FREM2: variants seen among roughly 807,000 people sequenced by gnomAD.
The protein encoded by FREM2 is FRAS1-related extracellular matrix protein 2.
A neutral mutation model predicts 219.9 loss-of-function variants in FREM2; 119 were observed. The observed-to-expected ratio is 0.54, with a 90% CI of 0.47 to 0.63. The LOEUF (loss-of-function observed/expected upper bound fraction) is 0.63, where lower values mean the gene tolerates loss of function less well. Among genes scored for constraint, FREM2 ranks in the 30% least tolerant of loss-of-function variants. FREM2 has a pLI of 0.00. For missense variants in FREM2, 4,030 were observed against 3,993.6 expected, an observed-to-expected ratio of 1.01 and a Z score of -0.25; for synonymous variants, 1,562 against 1,522.8, an observed-to-expected ratio of 1.03 and a Z score of -0.60.
intron 2 of FREM2, among the ~76,000 whole-genome samples, chr13:38,701,314 G>A (rs2496430): frequency 0.23 from 34,967 of 151,896 alleles, 4,409 homozygotes; most frequent in East Asian, 0.41. Flanking sequence ...CGCTGTCTGC[G>A]GCTTCATCTA....
Position 38,876,128 on chromosome 13 carries a change from G to A in FREM2, c.8388G>A (p.Trp2796Ter). Reference sequence around the variant, plus strand: ...CCTATAACCAGCCAGTACAGCAGTGGAGCTTTGTCTCTGACTTTGCCGTAA... The same window carrying A: ...CCTATAACCAGCCAGTACAGCAGTGAAGCTTTGTCTCTGACTTTGCCGTAA... ...EPTYNQPVQQWSFVSDFAVRD... is the reference protein window; with the variant it reads ...EPTYNQPVQQ The change falls in exon 19 of 24, where the codon TGG (tryptophan) becomes TGA (stop). Residue 2796 changes from tryptophan to a stop codon, truncating the protein, a stop_gained. Transcript: ENST00000280481. LOFTEE classifies it high-confidence loss of function. The A allele has an allele frequency of 6.2e-7, 1 of 1,614,076 alleles. No homozygotes were observed.
At chr13:38,698,035 T>C (rs1870189064) in intron 2 of FREM2, among the ~76,000 whole-genome samples, 1 of 152,228 alleles carries the variant, frequency 6.6e-6, no homozygotes, top group South Asian at 2.1e-4. Flanking sequence ...GAGAGAGATC[T>C]GTATAAATAG....
chr13:38,722,661 C>T (rs894509714), intron 2 of FREM2, among the ~76,000 whole-genome samples: 2 of 151,278 alleles, frequency 1.3e-5, no homozygotes, highest in Non-Finnish European at 2.9e-5. Context: ...ATGCTATTTA[C>T]GTTGGAGGCA....
intron 4 of FREM2, among the ~76,000 whole-genome samples, chr13:38,772,616 A>T (rs1056246058): frequency 4.1e-4 from 63 of 152,214 alleles, no homozygotes; most frequent in African/African-American, 1.5e-3. Context: ...TGTTTACAGG[A>T]GGCTTTCAAT....
At chr13:38,774,342 A>T (rs1419421844) in intron 4 of FREM2, among the ~76,000 whole-genome samples, 1 of 152,132 alleles carries the variant, frequency 6.6e-6, no homozygotes, top group East Asian at 1.9e-4. Flanking sequence ...TTAAACATCT[A>T]CTCTATGCCA....
chr13:38,857,189 A>T (rs1438427747), intron 12 of FREM2, among the ~76,000 whole-genome samples: 1 of 152,176 alleles, frequency 6.6e-6, no homozygotes, highest in African/African-American at 2.4e-5. Flanking sequence ...ACTTCCAGCG[A>T]TGAAAGCTTC....
At chr13:38,876,974 T>G in intron 20 of FREM2, 143 bp from the exon 21 acceptor site, 7 of 996,980 alleles carry the variant, frequency 7.0e-6, no homozygotes, top group Non-Finnish European at 1.1e-5. Flanking sequence ...TACAACTCTC[T>G]GAGTTAGCTT....
chr13:38,748,682 GT>G (rs1057300651), intron 2 of FREM2, among the ~76,000 whole-genome samples: 2 of 152,072 alleles, frequency 1.3e-5, no homozygotes, highest in Non-Finnish European at 2.9e-5. Flanking sequence ...TAAGAATGTT[GT>G]TTACATAGCT....
intron 2 of FREM2, among the ~76,000 whole-genome samples, chr13:38,747,742 T>C (rs1872546750): frequency 6.6e-6 from 1 of 152,176 alleles, no homozygotes; most frequent in South Asian, 2.1e-4. Flanking sequence ...TTTATTGATA[T>C]TCTCATGGGA....
chr13:38,873,268 T>C (rs1283200406), intron 17 of FREM2, among the ~76,000 whole-genome samples: 1 of 152,134 alleles, frequency 6.6e-6, no homozygotes, highest in Admixed American at 6.5e-5. Flanking sequence ...TAGAGGAAGC[T>C]CCAACGAAAG....
intron 2 of FREM2, among the ~76,000 whole-genome samples, chr13:38,738,014 G>A (rs1007494354): frequency 6.6e-6 from 1 of 152,160 alleles, no homozygotes; most frequent in South Asian, 2.1e-4. Context: ...TGCTGTTGTG[G>A]CAAAGAAAAG....
In FREM2 at chr13:38,687,287, C is replaced by T; in HGVS notation, c.-58C>T. On this transcript the variant is annotated 5_prime_UTR_variant, in exon 1 of 24. Transcript: ENST00000280481. ...CCCGGCGGTGTCTCTTGTTGTCTGC[C>T]CGGGGACCGACTTCGCATGCTCTCA... 1 of 1,553,910 alleles carries T rather than the reference C, an allele frequency of 6.4e-7. No homozygotes were observed. The highest frequency in any genetic ancestry group is 1.4e-5 in the African/African-American group (1 of 73,406).
intron 12 of FREM2, among the ~76,000 whole-genome samples, chr13:38,857,290 G>A (rs1448450747): frequency 6.6e-6 from 1 of 152,128 alleles, no homozygotes; most frequent in Non-Finnish European, 1.5e-5. Context: ...CAAACTCACA[G>A]CAAGGTGTTC....
rs143792882 is a variant in FREM2 at position 38,775,315 on chromosome 13, A to T, written c.5641+5507A>T. 2.2e-3 allele frequency among the ~76,000 whole-genome samples: 330 copies of T among 152,318 alleles called. 2 individuals carry two copies. The highest frequency in any genetic ancestry group is 7.6e-3 in the African/African-American group (316 of 41,574). On this transcript the variant is annotated intron_variant, in intron 4 of 23. Transcript: ENST00000280481. ...TTCAAGGTCCAGAATTAATGAAACGATAGTACGCTGCAGATGATGATACAG... is the reference window on the plus strand; with the variant it reads ...TTCAAGGTCCAGAATTAATGAAACGTTAGTACGCTGCAGATGATGATACAG...
Position 38,864,298 on chromosome 13 carries a change from A to G in FREM2, c.7675A>G (p.Arg2559Gly), listed in dbSNP as rs1284592064. The G allele has an allele frequency of 6.2e-7, 1 of 1,614,096 alleles. No individual in the cohort carries two copies. The highest frequency in any genetic ancestry group is 1.7e-5 in the Admixed American group (1 of 60,032). The change falls in exon 16 of 24, where the codon AGA becomes GGA. Residue 2559 changes from arginine (R) to glycine (G), a missense_variant. Arg to Gly is a moderately radical substitution (Grantham distance 125). Transcript: ENST00000280481. ...AGGCATGCTCCCCGTGATCTCCACTAGAGAGCTTTCCAACTTTGAGCTCAC... is the reference window on the plus strand; with the variant it reads ...AGGCATGCTCCCCGTGATCTCCACTGGAGAGCTTTCCAACTTTGAGCTCAC... ...IDGMLPVISTRELSNFELTLS... is the reference protein window; with the variant it reads ...IDGMLPVISTGELSNFELTLS...
chr13:38,765,966 TATC>T (rs1873418592), intron 3 of FREM2, among the ~76,000 whole-genome samples: 1 of 152,194 alleles, frequency 6.6e-6, no homozygotes, highest in Non-Finnish European at 1.5e-5. Context: ...CATCCTGTCT[TATC>T]ATCAGGGAGT....
chr13:38,861,415 C>CTT lies in FREM2; in HGVS notation c.7520-6_7520-5dup, dbSNP rs36084034. 4.8e-3 allele frequency: 6,336 copies of CTT among 1,324,152 alleles called. 147 individuals carry two copies. In the African/African-American group the frequency reaches 0.082, roughly 17 times the overall value. The allele number at this position is 1,324,152 out of a possible 1,614,324, so 82.0% of individuals were successfully genotyped here. A position where few individuals can be genotyped will look rare whatever the true frequency, so the allele number is the denominator to read the frequency against. ...TACCTTCTTTTCGCATAAATATGGTCTTTTTTTTTTTCAAGGTCTTTGTCA... is the reference window on the plus strand; with the variant it reads ...TACCTTCTTTTCGCATAAATATGGTCTTTTTTTTTTTTTCAAGGTCTTTGTCA... On this transcript the variant is annotated splice_polypyrimidine_tract_variant and intron_variant, in intron 14 of 23. Coordinates refer to ENST00000280481, the MANE Select transcript of FREM2 (RefSeq NM_207361.6).
In FREM2 at chr13:38,846,661, C is replaced by A. The variant is rs200508468; in HGVS notation, c.6108C>A (p.Asp2036Glu). 1.2e-6 allele frequency: 2 copies of A among 1,613,694 alleles called. No homozygotes were observed. Among genetic ancestry groups the A allele is most frequent in the South Asian group, 2.2e-5 (2 of 91,082 alleles). ...VEVQVWRTGT[D>E]LSKSSSVTVR... ...TGCAGGTGTGGAGAACGGGCACTGA[C>A]CTGTCCAAGTCTTCTAGTGTCACAG... The change falls in exon 7 of 24, where the codon GAC becomes GAA. Residue 2036 changes from aspartate (D) to glutamate (E), a missense_variant. Around this residue, in one of 2 missense-constraint regions of FREM2, gnomAD observed 3,102 missense variants for 2,950.7 expected, o/e 1.05. Transcript: ENST00000280481.
intron 2 of FREM2, 85 bp from the exon 3 acceptor site, chr13:38,764,219 T>C (rs533438810): frequency 2.1e-6 from 2 of 940,008 alleles, no homozygotes; most frequent in African/African-American, 3.2e-5. Flanking sequence ...TTGTTAATGT[T>C]GTTTCATTAA....
Sources: gnomAD v4.1 joint callset for allele counts (sites outside exome capture counted in the v4.1 genomes callset) on GRCh38, gnomAD v4.1.1 for gene constraint, gnomAD v4.1.1 regional missense constraint, MANE v1.5 for transcripts, NCBI Gene and HGNC (gene_info 2026-07-23, HGNC 2026-07-21) for gene names.